Variants in C4orf54 observed in about 807,000 individuals in gnomAD.
C4orf54 encodes chromosome 4 open reading frame 54, also known as uncharacterized protein C4orf54.
In C4orf54, 67 loss-of-function variants were observed where a neutral mutation model predicts 80.1. That is an observed-to-expected ratio of 0.84 (90% CI 0.69 to 1.03). The LOEUF (loss-of-function observed/expected upper bound fraction) is 1.03. Ranked by LOEUF, C4orf54 falls within the 50% of genes least tolerant of loss-of-function variation. The probability of loss-of-function intolerance (pLI) is 0.00; values close to 1 mark genes in which losing one functional copy is unlikely to be tolerated. For synonymous variants in C4orf54, 1,000 were observed against 917.0 expected, an observed-to-expected ratio of 1.09 and a Z score of -1.64; for missense variants, 2,434 against 2,253.5, an observed-to-expected ratio of 1.08 and a Z score of -1.62.
rs901653286 is a variant in C4orf54, at chr4:99,649,137, G to A, written c.*36+94C>T. On this transcript the variant is annotated intron_variant, in intron 2 of 2. Coordinates refer to ENST00000511828, the MANE Select transcript of C4orf54 (RefSeq NM_001354435.2). ...CTCAAAACATCCATTTCTAGAGACA[G>A]CCTCCTTTATTGTAAATCTCTCACT... 6.9e-6 allele frequency: 8 copies of A among 1,153,878 alleles called. No homozygotes were observed. In the African/African-American group the frequency reaches 7.8e-5, roughly 11 times the overall value. The allele number at this position is 1,153,878 out of a possible 1,614,324, so 71.5% of individuals were successfully genotyped here. A position where few individuals can be genotyped will look rare whatever the true frequency, so the allele number is the denominator to read the frequency against.
chr4:99,647,475 T>TTA (rs1553930041), intron 2 of C4orf54, among the ~76,000 whole-genome samples: 1 of 152,144 alleles, frequency 6.6e-6, no homozygotes, highest in African/African-American at 2.4e-5. Flanking sequence ...AATTTTTTTT[T>TTA]AATTTTCTAC....
At chr4:99,645,475 G>A (rs1726686997) in intron 2 of C4orf54, among the ~76,000 whole-genome samples, 1 of 148,342 alleles carries the variant, frequency 6.7e-6, no homozygotes, top group Non-Finnish European at 1.5e-5. Context: ...CTCTTAGGCT[G>A]ATATCCACTA....
At position 99,640,070 on chromosome 4, in the gene C4orf54, A is replaced by T. The variant is rs575533925; in HGVS notation, c.*1163T>A. ...ACTTATTATGACAAGCTAAATATTTATCTGTTCAATCAAGTCTTCCAGTCT... is the reference window on the plus strand; with the variant it reads ...ACTTATTATGACAAGCTAAATATTTTTCTGTTCAATCAAGTCTTCCAGTCT... On this transcript the variant is annotated 3_prime_UTR_variant, in exon 3 of 3. Coordinates refer to ENST00000511828, the MANE Select transcript of C4orf54 (RefSeq NM_001354435.2). The T allele has an allele frequency of 4.6e-5, 7 of 152,286 alleles. No individual in the cohort carries two copies. The South Asian group carries it at 1.4e-3, about 32-fold the overall frequency. The allele number at this position is 152,286 out of a possible 1,614,324, so 9.4% of individuals were successfully genotyped here.
chr4:99,650,436 T>A lies in C4orf54; in HGVS notation c.4213A>T (p.Ile1405Phe). 1 of 1,536,032 alleles carries A rather than the reference T, an allele frequency of 6.5e-7. No individual in the cohort carries two copies. The highest frequency in any genetic ancestry group is 8.7e-7 in the Non-Finnish European group (1 of 1,146,872). ...CCAGCGACACCCCCAGTTTTCTGGA[T>A]GCTGCTGGCACTCACTGTGAACACG... Reference protein sequence around the residue: ...RNVFTVSASSIQKTGGVAGKF... With the variant: ...RNVFTVSASSFQKTGGVAGKF... The change falls in exon 2 of 3, where the codon ATC becomes TTC. Residue 1405 changes from isoleucine (I) to phenylalanine (F), a missense_variant. Transcript: ENST00000511828.
chr4:99,643,467 C>A (rs1459772063), intron 2 of C4orf54, among the ~76,000 whole-genome samples: 1 of 152,088 alleles, frequency 6.6e-6, no homozygotes, highest in Non-Finnish European at 1.5e-5. Flanking sequence ...ATGCTTTAAT[C>A]CACTGGCATC....
chr4:99,636,879 C>G lies in C4orf54; in HGVS notation c.*4354G>C, dbSNP rs998147556. 1 of 152,160 alleles carries G rather than the reference C, an allele frequency of 6.6e-6. No individual in the cohort carries two copies. The highest frequency in any genetic ancestry group is 1.5e-5 in the Non-Finnish European group (1 of 68,024). The allele number at this position is 152,160 out of a possible 1,614,324, so 9.4% of individuals were successfully genotyped here. ...GCAGTTTAAAATTTCACATTCTTCC[C>G]ATTTACCACCAGCTTTTTTCATAGT... On this transcript the variant is annotated 3_prime_UTR_variant, in exon 3 of 3. Coordinates refer to ENST00000511828, the MANE Select transcript of C4orf54 (RefSeq NM_001354435.2).
In C4orf54 at chr4:99,653,469, A is replaced by G; in HGVS notation, c.1180T>C (p.Phe394Leu). The G allele has an allele frequency of 6.5e-7, 1 of 1,536,008 alleles. No individual in the cohort carries two copies. The highest frequency in any genetic ancestry group is 8.7e-7 in the Non-Finnish European group (1 of 1,146,872). ...GAGTAGATCACGTTGTTGTCCTCGA[A>G]ATCCCAGCGGGAGGCCAGTCCCACG... ...FDVGLASRWDFEDNNVIYSFV... is the reference protein window; with the variant it reads ...FDVGLASRWDLEDNNVIYSFV... Residue 394 changes from phenylalanine to leucine, a missense_variant, in exon 2 of 3, where the codon TTC becomes CTC. Transcript: ENST00000511828.
In C4orf54 at chr4:99,652,119, T is replaced by C; in HGVS notation, c.2530A>G (p.Thr844Ala). 2 of 1,536,010 alleles carry C rather than the reference T, an allele frequency of 1.3e-6. No homozygotes were observed. The highest frequency in any genetic ancestry group is 2.7e-5 in the African/African-American group (2 of 73,160). Reference sequence around the variant, plus strand: ...CGGGCGCCCTCCGTCTCCTTGGAGGTGCCTGAGAGGTGGTGGGATGTATCC... The same window carrying C: ...CGGGCGCCCTCCGTCTCCTTGGAGGCGCCTGAGAGGTGGTGGGATGTATCC... Reference protein sequence around the residue: ...VMDTSHHLSGTSKETEGARGS... With the variant: ...VMDTSHHLSGASKETEGARGS... Residue 844 changes from threonine to alanine, a missense_variant, in exon 2 of 3, where the codon ACC (threonine) becomes GCC (alanine). Thr to Ala is a moderately conservative substitution (Grantham distance 58, BLOSUM62 0). Transcript: ENST00000511828.
intron 1 of C4orf54, among the ~76,000 whole-genome samples, chr4:99,655,074 T>C (rs1035855194): frequency 4.6e-5 from 7 of 152,188 alleles, no homozygotes; most frequent in Admixed American, 4.6e-4. Context: ...ATGCATTTCT[T>C]TTTCTTTGGA....
At chr4:99,649,088 T>A in intron 2 of C4orf54, 143 bp downstream of exon 2, 2 of 827,970 alleles carry the variant, frequency 2.4e-6, no homozygotes, top group Admixed American at 6.2e-5. Context: ...CCTTTGTAAA[T>A]TGGATGCAGT....
In C4orf54 at chr4:99,649,861, G is replaced by A; in HGVS notation, c.4788C>T (p.Pro1596=). ...APAPAASAPV[P]TDPFQQAQPQ... ...GCTGTGCCTGCTGGAAGGGGTCTGTGGGGACGGGAGCTGAGGCTGCAGGTG... is the reference window on the plus strand; with the variant it reads ...GCTGTGCCTGCTGGAAGGGGTCTGTAGGGACGGGAGCTGAGGCTGCAGGTG... Residue 1596 remains proline, a synonymous_variant, in exon 2 of 3, where the codon CCC becomes CCT. Coordinates refer to ENST00000511828, the MANE Select transcript of C4orf54 (RefSeq NM_001354435.2). 2.0e-6 allele frequency: 3 copies of A among 1,533,060 alleles called. No homozygotes were observed. The highest frequency in any genetic ancestry group is 2.6e-6 in the Non-Finnish European group (3 of 1,144,218). The allele number at this position is 1,533,060 out of a possible 1,614,324, so 95.0% of individuals were successfully genotyped here.
chr4:99,639,323 G>A lies in C4orf54; in HGVS notation c.*1910C>T, dbSNP rs1426752198. ...TCTGAAAGGGATTCTACTTTCTTGG[G>A]TCAATATTAAGTTACCTTATACCCA... On this transcript the variant is annotated 3_prime_UTR_variant, in exon 3 of 3. Coordinates refer to ENST00000511828, the MANE Select transcript of C4orf54 (RefSeq NM_001354435.2). 1.3e-5 allele frequency: 2 copies of A among 152,034 alleles called. No homozygotes were observed. The highest frequency in any genetic ancestry group is 2.4e-5 in the African/African-American group (1 of 41,398). The allele number at this position is 152,034 out of a possible 1,614,324, so 9.4% of individuals were successfully genotyped here.
At chr4:99,654,844 A>T (rs1260168407) in intron 1 of C4orf54, among the ~76,000 whole-genome samples, 165 bp from the exon 2 acceptor site, 5 of 152,196 alleles carry the variant, frequency 3.3e-5, no homozygotes. Context: ...AAATCAGCCA[A>T]ATGTTCTATG....
intron 2 of C4orf54, 45 bp downstream of exon 2, chr4:99,649,186 G>T: frequency 7.1e-7 from 1 of 1,416,720 alleles, no homozygotes; most frequent in African/African-American, 1.4e-5. Flanking sequence ...AAAAAATATT[G>T]TTCTTACTCT....
chr4:99,649,131 G>A, intron 2 of C4orf54, 100 bp downstream of exon 2: 1 of 1,139,522 alleles, frequency 8.8e-7, no homozygotes, highest in Non-Finnish European at 1.2e-6. Context: ...TCCATTTCTA[G>A]AGACAGCCTC....
chr4:99,649,740 C>G lies in C4orf54; in HGVS notation c.4909G>C (p.Asp1637His). Residue 1637 changes from aspartate to histidine, a missense_variant, in exon 2 of 3, where the codon GAC becomes CAC. Coordinates refer to ENST00000511828, the MANE Select transcript of C4orf54 (RefSeq NM_001354435.2). ...PVQPMTRRLF[D>H]PETGQYVDVP... is the part of the protein sequence containing the mutation. ...TCCACATACTGCCCTGTCTCAGGGT[C>G]AAACAGTCTCCGGGTCATGGGCTGT... is the stretch of plus-strand genomic sequence containing the variant. 2 of 1,536,166 alleles carry G rather than the reference C, an allele frequency of 1.3e-6. No homozygotes were observed. The highest frequency in any genetic ancestry group is 1.7e-6 in the Non-Finnish European group (2 of 1,146,894).
Position 99,653,001 on chromosome 4 carries a change from C to T in C4orf54, c.1648G>A (p.Gly550Ser), listed in dbSNP as rs1270692577. The T allele has an allele frequency of 6.5e-7, 1 of 1,536,170 alleles. No individual in the cohort carries two copies. Reference protein sequence around the residue: ...QNIIYAAKHEGDMSLRVSTAA... With the variant: ...QNIIYAAKHESDMSLRVSTAA... Reference sequence around the variant, plus strand: ...GTAGAGACGCGGAGGCTCATGTCGCCTTCATGCTTGGCAGCATAAATAATG... The same window carrying T: ...GTAGAGACGCGGAGGCTCATGTCGCTTTCATGCTTGGCAGCATAAATAATG... Residue 550 changes from glycine to serine, a missense_variant, in exon 2 of 3, where the codon GGC (glycine) becomes AGC (serine). Gly to Ser is a moderately conservative substitution (Grantham distance 56). Transcript: ENST00000511828.
Position 99,652,424 on chromosome 4 carries a change from T to A in C4orf54, c.2225A>T (p.Gln742Leu), listed in dbSNP as rs770566588. 2 of 1,536,112 alleles carry A rather than the reference T, an allele frequency of 1.3e-6. No homozygotes were observed. The highest frequency in any genetic ancestry group is 2.4e-5 in the South Asian group (2 of 84,054). ...AAGGGTGACGACGCGGGAGCCCGTC[T>A]GGACCTGCTTCTGGAAACACAGGGG... ...ETPLCFQKQV[Q>L]TGSRVVTLLE... Residue 742 changes from glutamine (Q) to leucine (L), a missense_variant, in exon 2 of 3, where the codon CAG (glutamine) becomes CTG (leucine). Transcript: ENST00000511828.
intron 2 of C4orf54, among the ~76,000 whole-genome samples, chr4:99,643,606 T>C (rs1015246207): frequency 3.9e-5 from 6 of 152,102 alleles, no homozygotes; most frequent in African/African-American, 1.4e-4. Flanking sequence ...TTGGGGCATA[T>C]AATGTTCTAA....
Sources: allele counts gnomAD v4.1 joint callset (sites outside exome capture counted in the v4.1 genomes callset), GRCh38; gene constraint gnomAD v4.1.1; transcripts MANE v1.5; gene names NCBI Gene and HGNC (gene_info 2026-07-23, HGNC 2026-07-21).